EAF2: variants seen among roughly 807,000 people sequenced by gnomAD.
EAF2 encodes ELL-associated factor 2.
EAF2 carries 29 observed loss-of-function variants against 29.4 expected under a neutral mutation model. The observed-to-expected ratio is 0.99, with a 90% CI of 0.73 to 1.35. The LOEUF (loss-of-function observed/expected upper bound fraction) is 1.35, where lower values mean the gene tolerates loss of function less well. EAF2 is among the 40% of genes most tolerant of loss of function. The probability of loss-of-function intolerance (pLI) is 0.00; values close to 1 mark genes in which losing one functional copy is unlikely to be tolerated. For missense variants in EAF2, 292 were observed against 312.0 expected (o/e 0.94, Z 0.48); for synonymous variants, 103 against 102.5 (o/e 1.00, Z -0.03).
At chr3:121,848,058 T>C (rs1708560523) in intron 2 of EAF2, among the ~76,000 whole-genome samples, 1 of 152,208 alleles carries the variant, frequency 6.6e-6, no homozygotes, top group African/African-American at 2.4e-5. Context: ...GTTCATTATT[T>C]TGCAACATCT....
At chr3:121,859,745 G>A (rs1708791137) in intron 4 of EAF2, among the ~76,000 whole-genome samples, 1 of 152,142 alleles carries the variant, frequency 6.6e-6, no homozygotes, top group African/African-American at 2.4e-5. Flanking sequence ...TCCCTGTCTT[G>A]TGCCAGTTTT....
rs766569686 is a variant in EAF2, at chr3:121,835,302, G to C, written c.17G>C (p.Gly6Ala). MNSAA[G>A]FSHLDRRERV... ...AGAGTAATTATGAATAGCGCAGCGGGATTCTCACACCTAGACCGTCGCGAG... is the reference window on the plus strand; with the variant it reads ...AGAGTAATTATGAATAGCGCAGCGGCATTCTCACACCTAGACCGTCGCGAG... The change falls in exon 1 of 6, where the codon GGA (glycine) becomes GCA (alanine). Residue 6 changes from glycine to alanine, a missense_variant. Gly to Ala is a moderately conservative substitution (Grantham distance 60, BLOSUM62 0). Transcript: ENST00000273668. The C allele has an allele frequency of 2.5e-6, 4 of 1,614,114 alleles. No individual in the cohort carries two copies. Among genetic ancestry groups the C allele is most frequent in the Admixed American group, 3.3e-5 (2 of 60,010 alleles).
At chr3:121,844,281 GAAAT>G (rs1338451459) in intron 1 of EAF2, among the ~76,000 whole-genome samples, 168 bp from the exon 2 acceptor site, 2 of 152,044 alleles carry the variant, frequency 1.3e-5, no homozygotes, top group Non-Finnish European at 2.9e-5. Context: ...TATGCATACA[GAAAT>G]AAATAAACTA....
Position 121,874,230 on chromosome 3 carries a change from G to A in EAF2, c.736+1442G>A, listed in dbSNP as rs375928956. 5.7e-4 allele frequency among the ~76,000 whole-genome samples: 86 copies of A among 151,898 alleles called. 1 individual carries two copies. The South Asian group carries it at 0.017, about 30-fold the overall frequency. ...AGCTAGGAAAGACTGACTAGCTTTAGCCTAATAATAGAACTAAAGAAGGGA... is the reference window on the plus strand; with the variant it reads ...AGCTAGGAAAGACTGACTAGCTTTAACCTAATAATAGAACTAAAGAAGGGA... On this transcript the variant is annotated intron_variant, in intron 5 of 5. Coordinates refer to ENST00000273668, the MANE Select transcript of EAF2 (RefSeq NM_018456.6).
intron 1 of EAF2, among the ~76,000 whole-genome samples, chr3:121,843,750 G>T (rs1708472972): frequency 6.6e-6 from 1 of 151,972 alleles, no homozygotes; most frequent in Admixed American, 6.5e-5. Flanking sequence ...GGCATCGTTT[G>T]AACTATGATT....
chr3:121,869,718 T>A (rs6774701), intron 4 of EAF2, among the ~76,000 whole-genome samples: 5,250 of 151,162 alleles, frequency 0.035, 311 homozygotes, highest in African/African-American at 0.12. Context: ...AAAAAAAAAT[T>A]TTTTTTTTAG....
At chr3:121,845,424 C>A (rs551051733) in intron 2 of EAF2, among the ~76,000 whole-genome samples, 1 of 107,530 alleles carries the variant, frequency 9.3e-6, no homozygotes, top group Non-Finnish European at 1.7e-5. Context: ...GGCGATAGAG[C>A]GAGACTCCTA....
intron 2 of EAF2, among the ~76,000 whole-genome samples, chr3:121,852,492 G>A (rs1482508511): frequency 3.3e-5 from 5 of 152,134 alleles, no homozygotes; most frequent in African/African-American, 9.7e-5. Context: ...CTTCATCTAC[G>A]TGTTGTGCAT....
At chr3:121,863,071 G>C (rs1172220454) in intron 4 of EAF2, among the ~76,000 whole-genome samples, 1 of 152,218 alleles carries the variant, frequency 6.6e-6, no homozygotes, top group Non-Finnish European at 1.5e-5. Flanking sequence ...CGTCTCAGAG[G>C]GGCACTTGGC....
rs1709283440 is a variant in EAF2, at chr3:121,886,287, A to G, written c.737-55A>G. On this transcript the variant is annotated intron_variant, in intron 5 of 5. Transcript: ENST00000273668. ...TTTTGTGTAAAATTTGTGTTATGCA[A>G]AAATAATATTAAATATTTAATTACT... 6 of 1,218,430 alleles carry G rather than the reference A, an allele frequency of 4.9e-6. 1 individual carries two copies. Among genetic ancestry groups the G allele is most frequent in the Non-Finnish European group, 5.6e-6 (5 of 899,904 alleles). 75.5% of individuals were successfully genotyped at this position (1,218,430 alleles called of 1,614,324 possible).
intron 5 of EAF2, among the ~76,000 whole-genome samples, chr3:121,885,428 C>G (rs748938344): frequency 6.6e-6 from 1 of 152,176 alleles, no homozygotes; most frequent in Non-Finnish European, 1.5e-5. Flanking sequence ...GATCTACAAC[C>G]GGTTTTAAGT....
At position 121,879,155 on chromosome 3, in the gene EAF2, TA is replaced by T. The variant is rs200701148; in HGVS notation, c.736+6371del. Among the ~76,000 whole-genome samples, 149 of 152,362 alleles carry T rather than the reference TA, an allele frequency of 9.8e-4. 1 individual carries two copies. The East Asian group carries it at 0.026, about 27-fold the overall frequency. ...TTTTCATATGCCTGTGGGCATTTTT[TA>T]AAATTATTGATTTTAAATGTTTTCT... On this transcript the variant is annotated intron_variant, in intron 5 of 5. Coordinates refer to ENST00000273668, the MANE Select transcript of EAF2 (RefSeq NM_018456.6).
intron 4 of EAF2, among the ~76,000 whole-genome samples, chr3:121,857,474 G>A (rs1559822696): frequency 1.3e-5 from 2 of 149,932 alleles, no homozygotes; most frequent in African/African-American, 2.5e-5. Flanking sequence ...CCTGGGTGAC[G>A]GTGAGACTCC....
chr3:121,873,995 A>G (rs1305391011), intron 5 of EAF2, among the ~76,000 whole-genome samples: 1 of 151,898 alleles, frequency 6.6e-6, no homozygotes, highest in East Asian at 1.9e-4. Context: ...CTCTTTCTCT[A>G]GAGTATAATG....
At chr3:121,869,436 A>G (rs916822893) in intron 4 of EAF2, among the ~76,000 whole-genome samples, 1 of 152,228 alleles carries the variant, frequency 6.6e-6, no homozygotes, top group Non-Finnish European at 1.5e-5. Context: ...ATCGGAGAAC[A>G]CTGTTGATAA....
chr3:121,886,206 C>A, intron 5 of EAF2, 136 bp from the exon 6 acceptor site: 1 of 404,176 alleles, frequency 2.5e-6, no homozygotes. Flanking sequence ...AATTGTGTCA[C>A]TGAATTACAG....
chr3:121,857,799 T>C (rs1466304174), intron 4 of EAF2, among the ~76,000 whole-genome samples: 1 of 152,160 alleles, frequency 6.6e-6, no homozygotes, highest in Non-Finnish European at 1.5e-5. Flanking sequence ...ATTAGGTATA[T>C]CTCCGAATGC....
intron 5 of EAF2, among the ~76,000 whole-genome samples, chr3:121,875,979 T>C (rs1709088477): frequency 6.6e-6 from 1 of 151,842 alleles, no homozygotes; most frequent in Admixed American, 6.6e-5. Context: ...CATTACACAA[T>C]AGGAAGTCCA....
chr3:121,872,484 T>C, intron 4 of EAF2, 53 bp from the exon 5 acceptor site: 1 of 1,344,314 alleles, frequency 7.4e-7, no homozygotes, highest in South Asian at 1.6e-5. Context: ...TTTTATTATA[T>C]TTATTTAGCA....
Sources: allele counts gnomAD v4.1 joint callset (sites outside exome capture counted in the v4.1 genomes callset), GRCh38; gene constraint gnomAD v4.1.1; transcripts MANE v1.5; gene names NCBI Gene and HGNC (gene_info 2026-07-23, HGNC 2026-07-21).